The following DNAH9 variants were observed in gnomAD, a reference collection of about 807,000 sequenced individuals.
The protein encoded by DNAH9 is DNAH9 variant protein.
DNAH9 carries 345 observed loss-of-function variants against 471.6 expected under a neutral mutation model. The observed-to-expected ratio is 0.73, with a 90% CI of 0.67 to 0.80. The LOEUF (loss-of-function observed/expected upper bound fraction) is 0.80. Ranked by LOEUF, DNAH9 falls within the 30% of genes least tolerant of loss-of-function variation. The pLI is 0.00. For missense variants in DNAH9, 5,407 were observed against 5,609.2 expected, an observed-to-expected ratio of 0.96 and a Z score of 1.15; for synonymous variants, 2,093 against 2,123.6, an observed-to-expected ratio of 0.99 and a Z score of 0.40.
At chr17:11,960,435 T>TAAAAAAAAAAAAAA (rs3074845) in intron 67 of DNAH9, among the ~76,000 whole-genome samples, 34 of 54,046 alleles carry the variant, frequency 6.3e-4, no homozygotes, top group Admixed American at 8.5e-4. Flanking sequence ...GACTCTGTCT[T>TAAAAAAAAAAAAAA]AAAAAAAAAA....
chr17:11,695,782 C>T lies in DNAH9; in HGVS notation c.4872+1335C>T, dbSNP rs985523395. On this transcript the variant is annotated intron_variant, in intron 22 of 68. Transcript: ENST00000262442. Reference sequence around the variant, plus strand: ...AGAATTTGCATTTCTAAGAATTTTCCCAATATGCTGCTGGTCTAGGGACTA... The same window carrying T: ...AGAATTTGCATTTCTAAGAATTTTCTCAATATGCTGCTGGTCTAGGGACTA... Among the ~76,000 whole-genome samples the T allele has an allele frequency of 4.6e-5, 7 of 152,212 alleles. No individual in the cohort carries two copies. In the East Asian group the frequency reaches 1.4e-3, roughly 29 times the overall value.
At position 11,651,180 on chromosome 17, in the gene DNAH9, G is replaced by A. The variant is rs369834862; in HGVS notation, c.2209G>A (p.Ala737Thr). 5 of 1,614,028 alleles carry A rather than the reference G, an allele frequency of 3.1e-6. No individual in the cohort carries two copies. Among genetic ancestry groups the A allele is most frequent in the Non-Finnish European group, 4.2e-6 (5 of 1,180,036 alleles). Residue 737 changes from alanine (A) to threonine (T), a missense_variant, in exon 13 of 69, where the codon GCT (alanine) becomes ACT (threonine). By Grantham distance (58) the Ala-to-Thr change is moderately conservative. Around this residue, in one of 3 missense-constraint regions of DNAH9, gnomAD observed 4,636 missense variants for 4,900.3 expected, o/e 0.95. Transcript: ENST00000262442. ...SSRDFYRQLV[A>T]NLELMANWYN... is the part of the protein sequence containing the mutation. The stretch of plus-strand genomic sequence containing the variant: ...CAGGGATTTCTATCGGCAGCTTGTG[G>A]CTAATTTAGAGTTGATGGCAAATTG...
chr17:11,765,909 T>C (rs1480422871), intron 36 of DNAH9, among the ~76,000 whole-genome samples: 1 of 152,162 alleles, frequency 6.6e-6, no homozygotes, highest in African/African-American at 2.4e-5. Context: ...CTCATATTGG[T>C]GGTGCGCAGG....
At chr17:11,791,314 A>G (rs1969055754) in intron 41 of DNAH9, among the ~76,000 whole-genome samples, 1 of 152,192 alleles carries the variant, frequency 6.6e-6, no homozygotes, top group South Asian at 2.1e-4. Context: ...AAGTACTAAT[A>G]ATACAATTAT....
chr17:11,811,161 A>C (rs1400603112), intron 45 of DNAH9, among the ~76,000 whole-genome samples: 1 of 151,984 alleles, frequency 6.6e-6, no homozygotes, highest in African/African-American at 2.4e-5. Context: ...AAAAATACAA[A>C]AATTAGCTGT....
chr17:11,633,984 A>T (rs1414722030), intron 8 of DNAH9, among the ~76,000 whole-genome samples: 3 of 152,138 alleles, frequency 2.0e-5, no homozygotes, highest in Non-Finnish European at 2.9e-5. Flanking sequence ...CACCATGAAA[A>T]CATGTCTGTG....
intron 24 of DNAH9, 113 bp downstream of exon 24, chr17:11,701,360 G>C: frequency 8.1e-7 from 1 of 1,232,538 alleles, no homozygotes; most frequent in Non-Finnish European, 1.2e-6. Context: ...TTCACAGCCA[G>C]GGAGGCTTGA....
intron 6 of DNAH9, among the ~76,000 whole-genome samples, chr17:11,624,464 G>A (rs557365174): frequency 7.9e-5 from 12 of 152,132 alleles, no homozygotes; most frequent in South Asian, 2.1e-4. Context: ...AGCCGAGATC[G>A]TGCCACAGCA....
intron 67 of DNAH9, among the ~76,000 whole-genome samples, chr17:11,953,190 A>G (rs1185860847): frequency 2.0e-5 from 3 of 152,094 alleles, no homozygotes; most frequent in African/African-American, 7.2e-5. Context: ...CCCAGTCCGT[A>G]GAGGGGGTTT....
intron 38 of DNAH9, among the ~76,000 whole-genome samples, chr17:11,778,329 CAAAAAAAAAAAAAAAAAAAAAAA>C (rs57983162): frequency 2.1e-5 from 1 of 48,638 alleles, no homozygotes; most frequent in Middle Eastern, 0.026. Flanking sequence ...GACTCCATCT[CAAAAAAAAAAAAAAAAAAAAAAA>C]AAAAAAAAAA....
chr17:11,942,278 C>A, intron 66 of DNAH9, 25 bp from the exon 67 acceptor site: 1 of 1,608,760 alleles, frequency 6.2e-7, no homozygotes, highest in Non-Finnish European at 8.5e-7. Context: ...CCTTTCTTAA[C>A]GCTGTGTTTC....
intron 61 of DNAH9, among the ~76,000 whole-genome samples, chr17:11,916,129 C>A (rs1202231603): frequency 3.9e-5 from 6 of 152,192 alleles, no homozygotes. Flanking sequence ...TTAGTTTCCT[C>A]ATTTTTATTC....
At chr17:11,915,506 CAG>C (rs1973920928) in intron 61 of DNAH9, among the ~76,000 whole-genome samples, 1 of 151,768 alleles carries the variant, frequency 6.6e-6, no homozygotes, top group African/African-American at 2.4e-5. Context: ...CTTGGCGACA[CAG>C]AGACTCCATC....
chr17:11,611,262 A>C (rs1363999453), intron 3 of DNAH9, among the ~76,000 whole-genome samples: 2 of 152,192 alleles, frequency 1.3e-5, no homozygotes, highest in African/African-American at 4.8e-5. Flanking sequence ...CACCCTGCTG[A>C]GATGCCCCAT....
chr17:11,752,660 C>T (rs1455026316), intron 32 of DNAH9, among the ~76,000 whole-genome samples, 173 bp from the exon 33 acceptor site: 1 of 151,866 alleles, frequency 6.6e-6, no homozygotes, highest in African/African-American at 2.4e-5. Flanking sequence ...AGCAAGCCTC[C>T]ATCTAAAAAA....
At chr17:11,614,158 A>G (rs1360120709) in intron 4 of DNAH9, among the ~76,000 whole-genome samples, 2 of 152,198 alleles carry the variant, frequency 1.3e-5, no homozygotes, top group African/African-American at 2.4e-5. Context: ...ATTTGGCAGG[A>G]TCTTCTAAGC....
intron 48 of DNAH9, among the ~76,000 whole-genome samples, chr17:11,825,968 T>C (rs1313311692): frequency 6.6e-6 from 1 of 151,952 alleles, no homozygotes; most frequent in Non-Finnish European, 1.5e-5. Flanking sequence ...AGTGGGAGGG[T>C]TCCCCATGGA....
chr17:11,741,992 A>C (rs2075439417), intron 29 of DNAH9, among the ~76,000 whole-genome samples, 183 bp from the exon 30 acceptor site: 1 of 152,204 alleles, frequency 6.6e-6, no homozygotes, highest in African/African-American at 2.4e-5. Flanking sequence ...CTTCATGCTA[A>C]CTGCAGCAGC....
At chr17:11,622,294 C>T (rs762723087) in intron 6 of DNAH9, among the ~76,000 whole-genome samples, 31 of 152,226 alleles carry the variant, frequency 2.0e-4, no homozygotes, top group Non-Finnish European at 3.8e-4. Flanking sequence ...TTATGAAAGG[C>T]GCACCTTAAA....
Sources: allele counts gnomAD v4.1 joint callset (sites outside exome capture counted in the v4.1 genomes callset), GRCh38; gene constraint gnomAD v4.1.1; regional missense constraint gnomAD v4.1.1; transcripts MANE v1.5; gene names NCBI Gene and HGNC (gene_info 2026-07-23, HGNC 2026-07-21).